DPP6: variants seen among roughly 807,000 people sequenced by gnomAD.
The protein encoded by DPP6 is dipeptidyl peptidase like 6.
In DPP6, 69 loss-of-function variants were observed where a neutral mutation model predicts 122.6. That is an observed-to-expected ratio of 0.56 (90% CI 0.46 to 0.69). The LOEUF (loss-of-function observed/expected upper bound fraction) is 0.69. DPP6 is among the 30% of genes least tolerant of loss of function. DPP6 has a pLI of 0.00. For missense variants in DPP6, 928 were observed against 1,116.9 expected (o/e 0.83, Z 2.41); for synonymous variants, 418 against 433.1 (o/e 0.97, Z 0.43).
the DPP6 span, among the ~76,000 whole-genome samples, chr7:153,778,188 A>G: frequency 2.0e-5 from 3 of 149,818 alleles, no homozygotes; most frequent in African/African-American, 7.7e-5. Flanking sequence ...ATTGTAGATA[A>G]TGAGAACTGA....
chr7:153,759,398 A>C, the DPP6 span, among the ~76,000 whole-genome samples: 1 of 151,648 alleles, frequency 6.6e-6, no homozygotes, highest in African/African-American at 2.4e-5. Context: ...GGCCCACTGC[A>C]ACTTCCACCT....
chr7:154,014,657 G>T (rs528464918), intron 1 of DPP6, among the ~76,000 whole-genome samples: 407 of 151,668 alleles, frequency 2.7e-3, no homozygotes, highest in African/African-American at 9.3e-3. Flanking sequence ...GTGAGACTCT[G>T]TGTCAAAAAA....
chr7:154,178,229 C>A (rs1376958371), intron 1 of DPP6, among the ~76,000 whole-genome samples: 4 of 152,212 alleles, frequency 2.6e-5, no homozygotes, highest in Non-Finnish European at 4.4e-5. Flanking sequence ...ATACCAACAA[C>A]ATCCTCCAAT....
At chr7:154,815,159 G>C (rs1368049546) in intron 16 of DPP6, among the ~76,000 whole-genome samples, 1 of 152,232 alleles carries the variant, frequency 6.6e-6, no homozygotes, top group Non-Finnish European at 1.5e-5. Flanking sequence ...GACTGTGCCA[G>C]AGACAGTTCT....
intron 1 of DPP6, among the ~76,000 whole-genome samples, chr7:154,385,547 T>A (rs921398670): frequency 6.6e-6 from 1 of 152,166 alleles, no homozygotes; most frequent in Non-Finnish European, 1.5e-5. Context: ...TGGCCCTTGT[T>A]GTGTTATCCA....
intron 1 of DPP6, among the ~76,000 whole-genome samples, chr7:154,208,908 A>G (rs1799593335): frequency 6.6e-6 from 1 of 152,218 alleles, no homozygotes; most frequent in Admixed American, 6.5e-5. Flanking sequence ...TTCCTTGCCT[A>G]AATAATTTAT....
At chr7:153,863,801 C>T in the DPP6 span, among the ~76,000 whole-genome samples, 19 of 151,888 alleles carry the variant, frequency 1.3e-4, 1 homozygote, top group Admixed American at 9.8e-4. Context: ...CTATTCTGCA[C>T]GTTTCGTATA....
At chr7:154,801,277 G>T (rs1475978157) in intron 12 of DPP6, 78 bp from the exon 13 acceptor site, 1 of 1,526,010 alleles carries the variant, frequency 6.6e-7, no homozygotes, top group Non-Finnish European at 8.9e-7. Context: ...GTATCTCGGG[G>T]TGTATTTTAT....
intron 4 of DPP6, among the ~76,000 whole-genome samples, chr7:154,554,414 T>C (rs1829868981): frequency 6.6e-6 from 1 of 152,188 alleles, no homozygotes; most frequent in Admixed American, 6.6e-5. Context: ...CTGGGTATAT[T>C]TATGCTTTCT....
chr7:153,763,722 G>T, the DPP6 span, among the ~76,000 whole-genome samples: 1 of 152,170 alleles, frequency 6.6e-6, no homozygotes, highest in Non-Finnish European at 1.5e-5. Flanking sequence ...CGTAGTTTAC[G>T]TAACATTGAG....
chr7:154,196,261 G>A (rs181915074), intron 1 of DPP6, among the ~76,000 whole-genome samples: 60 of 152,282 alleles, frequency 3.9e-4, no homozygotes, highest in Middle Eastern at 3.4e-3. Flanking sequence ...AGGCAGAGGC[G>A]AGTGGATCAC....
intron 7 of DPP6, among the ~76,000 whole-genome samples, chr7:154,678,175 G>A (rs1839038722): frequency 6.6e-6 from 1 of 152,146 alleles, no homozygotes; most frequent in Non-Finnish European, 1.5e-5. Context: ...CTGTAAAATG[G>A]ACCAATCAGC....
chr7:154,364,037 G>A (rs1321702785), intron 1 of DPP6, among the ~76,000 whole-genome samples: 3 of 152,132 alleles, frequency 2.0e-5, no homozygotes, highest in South Asian at 2.1e-4. Context: ...TGCTTGGGAC[G>A]GGAGTGGTCT....
At chr7:153,839,130 T>C in the DPP6 span, among the ~76,000 whole-genome samples, 1 of 152,200 alleles carries the variant, frequency 6.6e-6, no homozygotes, top group South Asian at 2.1e-4. Flanking sequence ...TCTACACTAA[T>C]GTGAACCGTG....
At position 153,939,800 on chromosome 7, in the gene DPP6, A is replaced by G. The variant is rs1409135398; in HGVS notation, c.51+52066A>G. ...ATTGCATTTTGCTATGAAAGATACTATGCTGACATGCCTCCTGGAAAGAGG... is the reference window on the plus strand; with the variant it reads ...ATTGCATTTTGCTATGAAAGATACTGTGCTGACATGCCTCCTGGAAAGAGG... On this transcript the variant is annotated intron_variant, in intron 1 of 25. Coordinates refer to the DPP6 transcript ENST00000404039. 4.6e-5 allele frequency among the ~76,000 whole-genome samples: 7 copies of G among 152,344 alleles called. No homozygotes were observed. The East Asian group carries it at 1.2e-3, about 25-fold the overall frequency.
chr7:154,567,022 A>T, intron 5 of DPP6, 106 bp downstream of exon 5: 1 of 825,730 alleles, frequency 1.2e-6, no homozygotes, highest in Non-Finnish European at 1.9e-6. Context: ...TTGAATCCAG[A>T]AATACTTTGT....
At chr7:154,804,306 C>T (rs6946990) in intron 14 of DPP6, among the ~76,000 whole-genome samples, 107,016 of 152,104 alleles carry the variant, frequency 0.7, 38,204 homozygotes, top group Middle Eastern at 0.78. Flanking sequence ...TACAACAGTT[C>T]CATGAGGTGA....
chr7:154,480,033 C>A (rs1823118335), intron 3 of DPP6, among the ~76,000 whole-genome samples: 1 of 152,092 alleles, frequency 6.6e-6, no homozygotes, highest in Non-Finnish European at 1.5e-5. Context: ...CTGCCCCGCC[C>A]CACAGGTGAC....
At chr7:154,091,790 CG>C (rs1449215742) in intron 1 of DPP6, among the ~76,000 whole-genome samples, 12 of 151,348 alleles carry the variant, frequency 7.9e-5, no homozygotes, top group Admixed American at 5.9e-4. Flanking sequence ...ATGAAGAGAC[CG>C]GGTCAGTAAC....
Sources: gnomAD v4.1 joint callset for allele counts (sites outside exome capture counted in the v4.1 genomes callset) on GRCh38, gnomAD v4.1.1 for gene constraint, MANE v1.5 for transcripts, NCBI Gene and HGNC (gene_info 2026-07-23, HGNC 2026-07-21) for gene names.